Variants in PCDHGA2 observed in about 807,000 individuals in gnomAD.
The protein encoded by PCDHGA2 is protocadherin gamma-A2.
PCDHGA2 carries 40 observed loss-of-function variants against 59.2 expected under a neutral mutation model. The observed-to-expected ratio is 0.68, with a 90% confidence interval of 0.52 to 0.88. PCDHGA2 has a LOEUF of 0.88. Ranked by LOEUF, PCDHGA2 falls within the 40% of genes least tolerant of loss-of-function variation. The pLI is 0.00. For missense variants in PCDHGA2, 1,226 were observed against 1,204.0 expected (o/e 1.02, Z -0.27); for synonymous variants, 560 against 526.0 (o/e 1.06, Z -0.89).
intron 1 of PCDHGA2, chr5:141,422,694 T>C: frequency 6.2e-7 from 1 of 1,603,912 alleles, no homozygotes; most frequent in Non-Finnish European, 8.5e-7. Context: ...CCCTGGTCAC[T>C]TACTCTCTGA....
chr5:141,393,789 G>T (rs889575374), intron 1 of PCDHGA2: 1 of 1,613,958 alleles, frequency 6.2e-7, no homozygotes, highest in African/African-American at 1.3e-5. Context: ...AGATGTGGGG[G>T]CACTTCTGGG....
rs554661873 is a variant in PCDHGA2, at chr5:141,487,723, T to C, written c.2425-7084T>C. ...GCCTCTCAGTAAGTGCCCATAGTGATGTCACCATTTTTGTAAGAGGTAACT... is the reference window on the plus strand; with the variant it reads ...GCCTCTCAGTAAGTGCCCATAGTGACGTCACCATTTTTGTAAGAGGTAACT... On this transcript the variant is annotated intron_variant, in intron 1 of 3. Transcript: ENST00000394576. The surrounding 1 kb of genome is among the most constrained non-coding windows in gnomAD (Gnocchi z 5.0). The C allele has an allele frequency of 2.6e-5, 41 of 1,574,932 alleles. No homozygotes were observed. Among genetic ancestry groups the C allele is most frequent in the Non-Finnish European group, 5.2e-6 (6 of 1,158,382 alleles).
intron 1 of PCDHGA2, chr5:141,371,871 G>A (rs1298727306): frequency 1.9e-6 from 3 of 1,613,400 alleles, no homozygotes; most frequent in African/African-American, 2.7e-5. Flanking sequence ...CTACATCGTG[G>A]CCAGTGACCT....
intron 1 of PCDHGA2, chr5:141,385,162 C>T (rs750299709): frequency 6.2e-7 from 1 of 1,614,118 alleles, no homozygotes; most frequent in African/African-American, 1.3e-5. Context: ...GACCTATTCC[C>T]ATGAGGTCTC....
At chr5:141,418,904 A>C (rs2096300166) in intron 1 of PCDHGA2, 1 of 1,613,998 alleles carries the variant, frequency 6.2e-7, no homozygotes, top group Admixed American at 1.7e-5. Context: ...AGAAATAATC[A>C]TCACGTCACT....
intron 2 of PCDHGA2, among the ~76,000 whole-genome samples, chr5:141,497,248 G>A (rs1442942520): frequency 6.6e-6 from 1 of 152,128 alleles, no homozygotes; most frequent in African/African-American, 2.4e-5. Context: ...AGGAGGAGGT[G>A]ACATTGAGAA....
intron 1 of PCDHGA2, chr5:141,382,902 G>A: frequency 6.5e-7 from 1 of 1,543,512 alleles, no homozygotes; most frequent in South Asian, 1.2e-5. Flanking sequence ...GGACGACTAT[G>A]GCGGCTCAGC....
At chr5:141,500,223 T>G (rs1034982746) in intron 2 of PCDHGA2, among the ~76,000 whole-genome samples, 16 of 145,318 alleles carry the variant, frequency 1.1e-4, no homozygotes, top group African/African-American at 3.4e-4. Context: ...TTTATTTATT[T>G]ATTGATACGT....
At chr5:141,375,345 C>G (rs749825552) in intron 1 of PCDHGA2, 9 of 1,613,740 alleles carry the variant, frequency 5.6e-6, no homozygotes, top group African/African-American at 1.3e-5. Context: ...TACAACATCA[C>G]TGTGACAGCC....
In PCDHGA2 at chr5:141,489,449, A is replaced by G; in HGVS notation, c.2425-5358A>G. The G allele has an allele frequency of 6.2e-7, 1 of 1,614,056 alleles. No homozygotes were observed. Among genetic ancestry groups the G allele is most frequent in the Non-Finnish European group, 8.5e-7 (1 of 1,180,016 alleles). On this transcript the variant is annotated intron_variant, in intron 1 of 3. Coordinates refer to ENST00000394576, the MANE Select transcript of PCDHGA2 (RefSeq NM_018915.4). This position sits in a 1 kb window ranked among gnomAD's most constrained non-coding sequence, Gnocchi z 4.5. ...CGGCGGCTGCAATTGGGCTCTGAGG[A>G]GAATGGGCGCTATTTTTCCCTGAGC...
chr5:141,351,684 C>G, intron 1 of PCDHGA2: 3 of 1,613,988 alleles, frequency 1.9e-6, no homozygotes, highest in Non-Finnish European at 2.5e-6. Context: ...GCCTCCGACC[C>G]GGATTTGGGA....
intron 1 of PCDHGA2, among the ~76,000 whole-genome samples, chr5:141,450,379 A>C (rs1269979263): frequency 6.6e-6 from 1 of 152,144 alleles, no homozygotes; most frequent in Non-Finnish European, 1.5e-5. Flanking sequence ...GTTTATATGA[A>C]ACTGACATTT....
chr5:141,461,506 AT>A (rs1406680307), intron 1 of PCDHGA2, among the ~76,000 whole-genome samples: 2 of 151,524 alleles, frequency 1.3e-5, no homozygotes, highest in Non-Finnish European at 1.5e-5. Context: ...TTTCTTGGTG[AT>A]TTGTTAGTTC....
intron 1 of PCDHGA2, chr5:141,417,942 C>T (rs1324501154): frequency 2.5e-6 from 4 of 1,613,090 alleles, no homozygotes; most frequent in South Asian, 1.1e-5. Context: ...TTCTACCCCA[C>T]GCTGTGTGAG....
chr5:141,410,796 G>T, intron 1 of PCDHGA2: 19 of 640,732 alleles, frequency 3.0e-5, no homozygotes, highest in South Asian at 1.4e-4. Flanking sequence ...TTCATAAGTT[G>T]CTCTATCTTT....
At chr5:141,419,702 G>T (rs116279995) in intron 1 of PCDHGA2, 2 of 1,612,834 alleles carry the variant, frequency 1.2e-6, no homozygotes, top group East Asian at 4.5e-5. Context: ...CAGTGAGCCC[G>T]GGCTCTTCAG....
At chr5:141,361,429 C>T (rs1762019360) in intron 1 of PCDHGA2, 1 of 1,614,066 alleles carries the variant, frequency 6.2e-7, no homozygotes. Flanking sequence ...CAAGCCGCCC[C>T]TCTCCTCCAG....
chr5:141,345,599 C>A, intron 1 of PCDHGA2: 3 of 1,614,198 alleles, frequency 1.9e-6, no homozygotes, highest in Non-Finnish European at 8.5e-7. Context: ...CCTTCGACTA[C>A]GAGCAATTTA....
Position 141,432,502 on chromosome 5 carries a change from C to T in PCDHGA2, c.2425-62305C>T. On this transcript the variant is annotated intron_variant, in intron 1 of 3. Transcript: ENST00000394576. This position sits in a 1 kb window ranked among gnomAD's most constrained non-coding sequence, Gnocchi z 6.0. ...CTGGCGTGGAGCTGGCTCCCCGCTC[C>T]GCAGAGCCCGGCTACCTGGTGACCA... 6.2e-7 allele frequency: 1 copy of T among 1,614,142 alleles called. No individual in the cohort carries two copies. The highest frequency in any genetic ancestry group is 8.5e-7 in the Non-Finnish European group (1 of 1,180,042).
Sources: allele counts gnomAD v4.1 joint callset (sites outside exome capture counted in the v4.1 genomes callset), GRCh38; gene constraint gnomAD v4.1.1; non-coding constraint Gnocchi (gnomAD v3.1); transcripts MANE v1.5; gene names NCBI Gene and HGNC (gene_info 2026-07-23, HGNC 2026-07-21).